UBE2V1: variants seen among roughly 807,000 people sequenced by gnomAD.
UBE2V1 encodes ubiquitin conjugating enzyme E2 V1, also known as ubiquitin-conjugating enzyme E2 variant 1.
In UBE2V1, 15 loss-of-function variants were observed where a neutral mutation model predicts 19.6. That is an observed-to-expected ratio of 0.77 (90% CI 0.51 to 1.18). UBE2V1 has a LOEUF of 1.18. Ranked by LOEUF, UBE2V1 falls within the 50% of genes most tolerant of loss-of-function variation. UBE2V1 has a pLI of 0.00. For synonymous variants in UBE2V1, 60 were observed against 60.7 expected (o/e 0.99, Z 0.05); for missense variants, 125 against 184.8 (o/e 0.68, Z 1.88).
At chr20:50,113,168 C>G (rs202084674), upstream of UBE2V1, 93 of 1,260,928 alleles carry the variant, frequency 7.4e-5, no homozygotes, top group Middle Eastern at 2.3e-3. Flanking sequence ...CCTTCTTCAC[C>G]CCCCCCTTAC....
At chr20:50,115,658 C>T (rs1262187002), upstream of UBE2V1, 6 of 1,303,774 alleles carry the variant, frequency 4.6e-6, no homozygotes, top group Non-Finnish European at 3.0e-6. Context: ...ACCCCTTGGG[C>T]ACAGGGAAGA....
intron 1 of UBE2V1, among the ~76,000 whole-genome samples, chr20:50,108,072 T>C (rs1403166462): frequency 6.6e-6 from 1 of 152,166 alleles, no homozygotes; most frequent in Non-Finnish European, 1.5e-5. Context: ...AGGGATGGGT[T>C]ATTCTGTAAT....
At chr20:50,113,225 C>T (rs1031486895), upstream of UBE2V1, 1 of 975,080 alleles carries the variant, frequency 1.0e-6, no homozygotes, top group East Asian at 3.3e-5. Flanking sequence ...GCACATACGC[C>T]GCCGCTGACG....
intron 2 of UBE2V1, chr20:50,084,653 G>T (rs938314707): frequency 4.7e-6 from 2 of 424,768 alleles, no homozygotes; most frequent in African/African-American, 2.1e-5. Flanking sequence ...AACACTATGT[G>T]GTATTAAAGC....
At chr20:50,114,746 C>T (rs73278514), upstream of UBE2V1, among the ~76,000 whole-genome samples, 2,065 of 152,170 alleles carry the variant, frequency 0.014, 45 homozygotes, top group African/African-American at 0.047. Context: ...ACTTGCACAG[C>T]GCTGCAGGTG....
At chr20:50,087,991 T>G (rs1357817623) in intron 2 of UBE2V1, among the ~76,000 whole-genome samples, 1 of 151,674 alleles carries the variant, frequency 6.6e-6, no homozygotes, top group Non-Finnish European at 1.5e-5. Context: ...GATATATTTG[T>G]GTGCACACAG....
At position 50,083,903 on chromosome 20, in the gene UBE2V1, A is replaced by C. The variant is rs147554099; in HGVS notation, c.297+226T>G. On this transcript the variant is annotated intron_variant, in intron 3 of 3. Transcript: ENST00000371674. ...GCATGAGGAAAGAGCTCATATTTCA[A>C]AGCGACCAGCACAGAACTAGCCCAG... is the stretch of plus-strand genomic sequence containing the variant. 6.7e-4 allele frequency: 298 copies of C among 443,222 alleles called. 3 individuals are homozygous for C. The highest frequency in any genetic ancestry group is 5.6e-3 in the African/African-American group (279 of 49,570). The allele number at this position is 443,222 out of a possible 1,614,324, so 27.5% of individuals were successfully genotyped here.
Position 50,094,012 on chromosome 20 carries a change from AT to A in UBE2V1, c.171+2659del, listed in dbSNP as rs1422158326. ...CAAAAAAAAAAAAAAAAAAAAAAAA[AT>A]AATAATAATAATAATAATAAAATAT... On this transcript the variant is annotated intron_variant, in intron 2 of 3. Transcript: ENST00000371674. 3.4e-3 allele frequency among the ~76,000 whole-genome samples: 375 copies of A among 110,460 alleles called. 1 individual carries two copies. The highest frequency in any genetic ancestry group is 4.5e-3 in the Non-Finnish European group (253 of 56,828). The allele number at this position is 110,460 out of a possible 152,430, so 72.5% of individuals were successfully genotyped here.
In UBE2V1 at chr20:50,084,187, G is replaced by A; in HGVS notation, c.239C>T (p.Pro80Leu). 1.9e-6 allele frequency: 3 copies of A among 1,609,884 alleles called. No homozygotes were observed. Among genetic ancestry groups the A allele is most frequent in the Non-Finnish European group, 1.7e-6 (2 of 1,178,854 alleles). Residue 80 changes from proline to leucine, a missense_variant, in exon 3 of 4, where the codon CCC (proline) becomes CTC (leucine). This residue lies in a region of UBE2V1 where 78 missense variants were observed against 108.8 expected (regional missense o/e 0.72). Transcript: ENST00000371674. ...AATTTTTGTTACAAATCTTACAAAG[G>A]GGGGTGCTTCTGGGTATTTAGGTCC... ...ECGPKYPEAP[P>L]FVRFVTKINM...
At chr20:50,113,010 G>A in intron 1 of UBE2V1, 97 bp downstream of exon 1, 1 of 498,006 alleles carries the variant, frequency 2.0e-6, no homozygotes, top group Non-Finnish European at 3.2e-6. Flanking sequence ...GAGGCGGCGC[G>A]GGGACCCTGG....
At position 50,099,085 on chromosome 20, in the gene UBE2V1, G is replaced by A. The variant is rs971720259; in HGVS notation, c.23-2265C>T. On this transcript the variant is annotated intron_variant, in intron 1 of 3. Transcript: ENST00000371674. ...TAATAATCCTAATTAGGCTAGCGGG[G>A]GAAAAGTCACTACATTACTACTGGT... 5 of 574,836 alleles carry A rather than the reference G, an allele frequency of 8.7e-6. No homozygotes were observed. In the African/African-American group the frequency reaches 1.0e-4, roughly 12 times the overall value. 35.6% of individuals were successfully genotyped at this position (574,836 alleles called of 1,614,324 possible). A position where few individuals can be genotyped will look rare whatever the true frequency, so the allele number is the denominator to read the frequency against.
chr20:50,107,214 C>T (rs558984400), intron 1 of UBE2V1, among the ~76,000 whole-genome samples: 13 of 152,334 alleles, frequency 8.5e-5, no homozygotes, highest in African/African-American at 2.6e-4. Flanking sequence ...ATCGCAAACT[C>T]GCTAGAAATG....
intron 1 of UBE2V1, chr20:50,108,831 C>CA: frequency 1.5e-6 from 1 of 659,636 alleles, no homozygotes; most frequent in Non-Finnish European, 1.9e-6. Context: ...GCACATAACC[C>CA]AGAAGAGGAC....
rs1012109067 is a variant in UBE2V1, at chr20:50,111,214, C to T, written c.22+1893G>A. 13 of 979,106 alleles carry T rather than the reference C, an allele frequency of 1.3e-5. No homozygotes were observed. The Admixed American group carries it at 8.0e-4, about 60-fold the overall frequency. 60.7% of individuals were successfully genotyped at this position (979,106 alleles called of 1,614,324 possible). On this transcript the variant is annotated intron_variant, in intron 1 of 3. Coordinates refer to ENST00000371674, the MANE Select transcript of UBE2V1 (RefSeq NM_001032288.3). ...CCTGTCCTATGTTATCTAAACCATG[C>T]CAAGTGCTCTTGTATTCCACTAGAC... is the stretch of plus-strand genomic sequence containing the variant.
intron 1 of UBE2V1, among the ~76,000 whole-genome samples, chr20:50,108,097 G>C (rs1346314585): frequency 6.6e-6 from 1 of 152,232 alleles, no homozygotes; most frequent in Non-Finnish European, 1.5e-5. Context: ...GCAGTGGGAA[G>C]GGCTTGCTGA....
At position 50,081,850 on chromosome 20, in the gene UBE2V1, G is replaced by C. The variant is rs1243387885; in HGVS notation, c.*918C>G. On this transcript the variant is annotated 3_prime_UTR_variant, in exon 4 of 4. Coordinates refer to ENST00000371674, the MANE Select transcript of UBE2V1 (RefSeq NM_001032288.3). ...TATCAAAACCTGAGCTAAAAACAATGCATCAGCTGATGACAGCAGAGGGTG... is the reference window on the plus strand; with the variant it reads ...TATCAAAACCTGAGCTAAAAACAATCCATCAGCTGATGACAGCAGAGGGTG... The C allele has an allele frequency of 3.8e-6, 1 of 264,876 alleles. No homozygotes were observed. Among genetic ancestry groups the C allele is most frequent in the Admixed American group, 5.3e-5 (1 of 18,800 alleles). The allele number at this position is 264,876 out of a possible 1,614,324, so 16.4% of individuals were successfully genotyped here.
At chr20:50,105,720 G>A (rs1406345181) in intron 1 of UBE2V1, among the ~76,000 whole-genome samples, 1 of 152,030 alleles carries the variant, frequency 6.6e-6, no homozygotes, top group Non-Finnish European at 1.5e-5. Flanking sequence ...AGGCCGAGGT[G>A]GGAGTTTGAG....
At chr20:50,083,884 G>C (rs986635574) in intron 3 of UBE2V1, 4 of 344,234 alleles carry the variant, frequency 1.2e-5, no homozygotes, top group Non-Finnish European at 2.0e-5. Context: ...GGTGGCATGA[G>C]GAAAGAGCTC....
chr20:50,086,256 G>T (rs1403421256), intron 2 of UBE2V1, among the ~76,000 whole-genome samples: 1 of 152,038 alleles, frequency 6.6e-6, no homozygotes, highest in African/African-American at 2.4e-5. Flanking sequence ...GCTTCCCCTT[G>T]GAAGTGTTCC....
Sources: allele counts gnomAD v4.1 joint callset (sites outside exome capture counted in the v4.1 genomes callset), GRCh38; gene constraint gnomAD v4.1.1; regional missense constraint gnomAD v4.1.1; transcripts MANE v1.5; gene names NCBI Gene and HGNC (gene_info 2026-07-23, HGNC 2026-07-21).